The following TECTA variants were observed in gnomAD, a reference collection of about 807,000 sequenced individuals.
TECTA encodes the protein tectorin alpha.
TECTA carries 128 observed loss-of-function variants against 216.8 expected under a neutral mutation model. The ratio of observed to expected loss-of-function variants is 0.59; its 90% CI spans 0.51 to 0.68. The LOEUF (loss-of-function observed/expected upper bound fraction) is 0.68. Among genes scored for constraint, TECTA ranks in the 30% least tolerant of loss-of-function variants. TECTA has a pLI of 0.00. For missense variants in TECTA, 2,551 were observed against 2,786.2 expected (o/e 0.92, Z 1.90); for synonymous variants, 1,089 against 1,117.1 (o/e 0.97, Z 0.50).
chr11:121,104,785 G>A (rs954191850), intron 2 of TECTA, among the ~76,000 whole-genome samples: 5 of 152,028 alleles, frequency 3.3e-5, no homozygotes, highest in African/African-American at 1.2e-4. Context: ...GCAGCAAGCA[G>A]GTACCTCAAG....
chr11:121,113,592 C>T lies in TECTA; in HGVS notation c.664C>T (p.Leu222Phe). 1 of 1,613,988 alleles carries T rather than the reference C, an allele frequency of 6.2e-7. No individual in the cohort carries two copies. The highest frequency in any genetic ancestry group is 2.2e-5 in the East Asian group (1 of 44,880). The change falls in exon 6 of 24, where the codon CTC (leucine) becomes TTC (phenylalanine). Residue 222 changes from leucine (L) to phenylalanine (F), a missense_variant. Leu to Phe is a conservative substitution (Grantham distance 22). This residue lies in a region of TECTA where 2,375 missense variants were observed against 2,563.9 expected (regional missense o/e 0.93). Coordinates refer to ENST00000392793, the MANE Select transcript of TECTA (RefSeq NM_005422.4). This position sits in a 1 kb window ranked among gnomAD's most constrained non-coding sequence, Gnocchi z 4.2. ...TGGAAACCTCACCAATTTCTTCAGCCTCCCGGGGTCAAGAACCCCCGAGAT... is the reference window on the plus strand; with the variant it reads ...TGGAAACCTCACCAATTTCTTCAGCTTCCCGGGGTCAAGAACCCCCGAGAT... ...NGGNLTNFFS[L>F]PGSRTPEIVN...
At chr11:121,140,793 C>T (rs1946777264) in intron 11 of TECTA, 1 of 152,312 alleles carries the variant, frequency 6.6e-6, no homozygotes. Flanking sequence ...TCTCTGTGTC[C>T]AAATCTCCTT....
rs369482316 is a variant in TECTA, at chr11:121,103,512, C to T, written c.64+783C>T. 1.7e-3 allele frequency among the ~76,000 whole-genome samples: 260 copies of T among 151,952 alleles called. 2 individuals carry two copies. In the South Asian group the frequency reaches 0.026, roughly 15 times the overall value. On this transcript the variant is annotated intron_variant, in intron 2 of 23. Transcript: ENST00000392793. ...AGTTAAACCATAGTGTGAAACCCCA[C>T]GGGAATGAAAGAGGGCCCTTGACTT...
intron 20 of TECTA, among the ~76,000 whole-genome samples, chr11:121,183,527 A>T (rs1947251767): frequency 6.6e-6 from 1 of 152,154 alleles, no homozygotes; most frequent in Admixed American, 6.5e-5. Context: ...TGACCCTGGC[A>T]GGGCCAACTG....
At chr11:121,136,259 A>T (rs571815392) in intron 10 of TECTA, among the ~76,000 whole-genome samples, 2 of 152,116 alleles carry the variant, frequency 1.3e-5, no homozygotes, top group South Asian at 4.2e-4. Context: ...GTGCTTTTTG[A>T]CCAAGAGTCT....
At chr11:121,130,288 C>A in intron 10 of TECTA, 77 bp downstream of exon 10, 1 of 1,522,074 alleles carries the variant, frequency 6.6e-7, no homozygotes. Flanking sequence ...TCAGGACTTC[C>A]CTTCCAGGTG....
At chr11:121,189,601 C>G (rs1181513517) in intron 22 of TECTA, among the ~76,000 whole-genome samples, 163 bp from the exon 23 acceptor site, 1 of 152,144 alleles carries the variant, frequency 6.6e-6, no homozygotes, top group Non-Finnish European at 1.5e-5. Flanking sequence ...GTCTCGATCT[C>G]CTGACCGCGT....
intron 6 of TECTA, among the ~76,000 whole-genome samples, chr11:121,114,572 T>C (rs1411651906): frequency 1.4e-5 from 2 of 143,126 alleles, no homozygotes; most frequent in African/African-American, 5.4e-5. Flanking sequence ...CACCCATCTA[T>C]CCAGCTACCC....
chr11:121,188,961 T>A, intron 21 of TECTA, 119 bp from the exon 22 acceptor site: 2 of 953,432 alleles, frequency 2.1e-6, no homozygotes, highest in East Asian at 2.6e-5. Flanking sequence ...TTCTAATTAA[T>A]CTGAGCCTCC....
In TECTA at chr11:121,109,232, T is replaced by G; in HGVS notation, c.220T>G (p.Ser74Ala). 6.2e-7 allele frequency: 1 copy of G among 1,614,186 alleles called. No individual in the cohort carries two copies. Among genetic ancestry groups the G allele is most frequent in the Non-Finnish European group, 8.5e-7 (1 of 1,180,026 alleles). Residue 74 changes from serine to alanine, a missense_variant, in exon 4 of 24, where the codon TCC becomes GCC. Physicochemically the swap from Ser to Ala is moderately conservative, Grantham distance 99. Around this residue, in one of 3 missense-constraint regions of TECTA, gnomAD observed 2,375 missense variants for 2,563.9 expected, o/e 0.93. Transcript: ENST00000392793. ...GTAGGTCAATAACAACGGAGTTGTT[T>G]CCTTCAATGTGCTAGTGAGCCAGTT... ...TVYVNNNGVVSFNVLVSQFTP... is the reference protein window; with the variant it reads ...TVYVNNNGVVAFNVLVSQFTP...
Position 121,191,000 on chromosome 11 carries a change from C to T in TECTA, c.*194C>T, listed in dbSNP as rs1591475152. ...TCCTCTTTCAGAGTATGAAACGGGG[C>T]TTCTACAAGCCAGTTATGGAAAGTA... On this transcript the variant is annotated 3_prime_UTR_variant, in exon 24 of 24. Coordinates refer to ENST00000392793, the MANE Select transcript of TECTA (RefSeq NM_005422.4). 1 of 525,550 alleles carries T rather than the reference C, an allele frequency of 1.9e-6. No homozygotes were observed. The highest frequency in any genetic ancestry group is 3.4e-6 in the Non-Finnish European group (1 of 290,406). 32.6% of individuals were successfully genotyped at this position (525,550 alleles called of 1,614,324 possible).
intron 18 of TECTA, 49 bp downstream of exon 18, chr11:121,166,829 C>T (rs377070661): frequency 2.4e-5 from 39 of 1,603,528 alleles, no homozygotes; most frequent in African/African-American, 1.7e-4. Context: ...GCGACAGCTT[C>T]GAGTGTTTGC....
Position 121,160,310 on chromosome 11 carries a change from G to A in TECTA, c.4865G>A (p.Cys1622Tyr). The part of the protein sequence containing the change: ...ERLQNKVCGL[C>Y]GNFNGDLTDD... ...CTGCAGAACAAAGTGTGCGGTCTCT[G>A]TGGCAACTTCAACGGGGACCTAACA... Residue 1622 changes from cysteine (C) to tyrosine (Y), a missense_variant, in exon 15 of 24, where the codon TGT (cysteine) becomes TAT (tyrosine). By Grantham distance (194) the Cys-to-Tyr change is radical. Around this residue, in one of 3 missense-constraint regions of TECTA, gnomAD observed 2,375 missense variants for 2,563.9 expected, o/e 0.93. Transcript: ENST00000392793. 1 of 1,614,192 alleles carries A rather than the reference G, an allele frequency of 6.2e-7. No individual in the cohort carries two copies.
intron 2 of TECTA, among the ~76,000 whole-genome samples, chr11:121,103,443 C>A (rs1946364638): frequency 6.6e-6 from 1 of 152,072 alleles, no homozygotes; most frequent in South Asian, 2.1e-4. Context: ...CACGTCAAGC[C>A]CCTGTGCAGT....
Position 121,146,074 on chromosome 11 carries a change from CAG to C in TECTA, c.4064_4065del (p.Gln1355ArgfsTer42), listed in dbSNP as rs749360244. On this transcript the variant is annotated frameshift_variant, in exon 12 of 24. Coordinates refer to ENST00000392793, the MANE Select transcript of TECTA (RefSeq NM_005422.4). LOFTEE classifies it high-confidence loss of function. ...LQNYASTCQT[Q>X]GITVTGWRNY... ...GAACTACGCCAGCACCTGCCAGACT[CAG>C]GGGATTACGGTGACTGGCTGGAGGA... 1.4e-5 allele frequency: 23 copies of C among 1,612,566 alleles called. No homozygotes were observed. Among genetic ancestry groups the C allele is most frequent in the Non-Finnish European group, 1.9e-5 (22 of 1,180,030 alleles).
At chr11:121,130,812 A>C (rs1946666764) in intron 10 of TECTA, among the ~76,000 whole-genome samples, 2 of 152,200 alleles carry the variant, frequency 1.3e-5, no homozygotes, top group African/African-American at 4.8e-5. Flanking sequence ...GTAACATGGC[A>C]GAAAGCAGGA....
intron 13 of TECTA, among the ~76,000 whole-genome samples, chr11:121,157,508 G>C (rs1376800070): frequency 6.6e-6 from 1 of 152,122 alleles, no homozygotes; most frequent in Admixed American, 6.6e-5. Context: ...TAGGAGAATC[G>C]CTTGAGTCCA....
In TECTA at chr11:121,187,852, A is replaced by C. The variant is rs1333679585; in HGVS notation, c.6020A>C (p.Asn2007Thr). Reference sequence around the variant, plus strand: ...AATAGGTGTCAGAACCTCAAAGATAACACCATTGGCATCGAGGAGAATGCA... The same window carrying C: ...AATAGGTGTCAGAACCTCAAAGATACCACCATTGGCATCGAGGAGAATGCA... ...IEGGCQNLKD[N>T]TIGIEENAVS... The change falls in exon 21 of 24, where the codon AAC becomes ACC. Residue 2007 changes from asparagine to threonine, a missense_variant. This residue lies in a region of TECTA where 58 missense variants were observed against 105.9 expected (regional missense o/e 0.55). Transcript: ENST00000392793. 1.2e-6 allele frequency: 2 copies of C among 1,614,226 alleles called. No homozygotes were observed. Among genetic ancestry groups the C allele is most frequent in the Non-Finnish European group, 1.7e-6 (2 of 1,180,030 alleles).
At position 121,129,908 on chromosome 11, in the gene TECTA, A is replaced by G. The variant is rs143315827; in HGVS notation, c.2638A>G (p.Thr880Ala). Residue 880 changes from threonine (T) to alanine (A), a missense_variant, in exon 10 of 24, where the codon ACT becomes GCT. Around this residue, in one of 3 missense-constraint regions of TECTA, gnomAD observed 2,375 missense variants for 2,563.9 expected, o/e 0.93. Coordinates refer to ENST00000392793, the MANE Select transcript of TECTA (RefSeq NM_005422.4). ...NLAVFLESWTTFEEICNGECG... is the reference protein window; with the variant it reads ...NLAVFLESWTAFEEICNGECG... ...GGCAGTGTTCCTGGAAAGCTGGACA[A>G]CTTTCGAGGAGATCTGCAATGGAGA... is the stretch of plus-strand genomic sequence containing the variant. 131 of 1,613,964 alleles carry G rather than the reference A, an allele frequency of 8.1e-5. No individual in the cohort carries two copies. In the African/African-American group the frequency reaches 1.5e-3, roughly 19 times the overall value.
Sources: gnomAD v4.1 joint callset for allele counts (sites outside exome capture counted in the v4.1 genomes callset) on GRCh38, gnomAD v4.1.1 for gene constraint, gnomAD v4.1.1 regional missense constraint, Gnocchi (gnomAD v3.1) non-coding constraint, MANE v1.5 for transcripts, NCBI Gene and HGNC (gene_info 2026-07-23, HGNC 2026-07-21) for gene names.